Variants in ACSBG2 observed in about 807,000 individuals in gnomAD.
ACSBG2 encodes the protein long-chain-fatty-acid--CoA ligase ACSBG2.
ACSBG2 carries 62 observed loss-of-function variants against 74.7 expected under a neutral mutation model. That is an observed-to-expected ratio of 0.83 (90% CI 0.68 to 1.03). The LOEUF is 1.03. Ranked by LOEUF, ACSBG2 falls within the 50% of genes least tolerant of loss-of-function variation. ACSBG2 has a pLI of 0.00. For synonymous variants in ACSBG2, 309 were observed against 294.1 expected (o/e 1.05, Z -0.52); for missense variants, 730 against 817.6 (o/e 0.89, Z 1.31).
chr19:6,181,508 A>G (rs1318780046), intron 8 of ACSBG2, among the ~76,000 whole-genome samples: 1 of 152,136 alleles, frequency 6.6e-6, no homozygotes, highest in African/African-American at 2.4e-5. Flanking sequence ...TCCCAGTTCT[A>G]TGGCTTGTTG....
chr19:6,166,280 T>TGTGTGTGTGTGTGTGTGTGTGTG (rs2089799967), intron 7 of ACSBG2, among the ~76,000 whole-genome samples: 2 of 119,096 alleles, frequency 1.7e-5, no homozygotes, highest in African/African-American at 7.5e-5. Context: ...GTCAGGAAGG[T>TGTGTGTGTGTGTGTGTGTGTGTG]TGTGTGTGTG....
intron 3 of ACSBG2, among the ~76,000 whole-genome samples, chr19:6,150,179 C>T (rs1442415415): frequency 2.6e-5 from 4 of 151,622 alleles, no homozygotes; most frequent in East Asian, 1.9e-4. Flanking sequence ...AAACACAACA[C>T]GTGTTGGGGA....
chr19:6,161,329 A>T, intron 6 of ACSBG2, 34 bp downstream of exon 6: 22 of 1,518,704 alleles, frequency 1.4e-5, no homozygotes, highest in East Asian at 2.3e-5. Context: ...GGGAAAGGGG[A>T]GGGCGGGGCC....
chr19:6,151,733 T>C lies in ACSBG2; in HGVS notation c.324T>C (p.Val108=). ...TGGGTTTGGAGCGTTTCCACGGAGT[T>C]GGTATCCTGGGGTTTAACTCTGCAG... ...IKLGLERFHG[V]GILGFNSAEW... is the part of the protein sequence containing the mutation. The change falls in exon 4 of 15, where the codon GTT becomes GTC. Residue 108 remains valine, a synonymous_variant. Transcript: ENST00000588485. The C allele has an allele frequency of 6.2e-7, 1 of 1,602,944 alleles. No individual in the cohort carries two copies. The highest frequency in any genetic ancestry group is 8.5e-7 in the Non-Finnish European group (1 of 1,174,512).
intron 6 of ACSBG2, among the ~76,000 whole-genome samples, chr19:6,164,254 A>G (rs1344548968): frequency 6.6e-6 from 1 of 152,070 alleles, no homozygotes; most frequent in African/African-American, 2.4e-5. Context: ...AGGGAGACCT[A>G]GGGGCATCTC....
Position 6,187,781 on chromosome 19 carries a change from T to C in ACSBG2, c.1863T>C (p.Asn621=), listed in dbSNP as rs1213739727. The C allele has an allele frequency of 6.2e-7, 1 of 1,614,130 alleles. No homozygotes were observed. Among genetic ancestry groups the C allele is most frequent in the South Asian group, 1.1e-5 (1 of 91,080 alleles). The change falls in exon 13 of 15, where the codon AAT becomes AAC. Residue 621 remains asparagine, a synonymous_variant. Transcript: ENST00000588485. ...CTGTGAACCAGGAAGCCATGAACAA[T>C]GCACAGAGGATTGAAAAGTGGGTCA... The part of the protein sequence containing the change: ...INAVNQEAMN[N]AQRIEKWVIL...
intron 2 of ACSBG2, 132 bp downstream of exon 2, chr19:6,141,742 CT>C: frequency 1.6e-6 from 1 of 640,008 alleles, no homozygotes; most frequent in South Asian, 1.9e-5. Context: ...ACCCCCCACC[CT>C]TTTGTTTTGA....
chr19:6,188,958 G>A (rs150741063), intron 13 of ACSBG2, among the ~76,000 whole-genome samples: 5 of 152,312 alleles, frequency 3.3e-5, no homozygotes, highest in African/African-American at 1.2e-4. Flanking sequence ...TGCTTAATAT[G>A]TTATCTGTAG....
chr19:6,169,335 C>T (rs1388054879), intron 7 of ACSBG2, among the ~76,000 whole-genome samples: 1 of 152,166 alleles, frequency 6.6e-6, no homozygotes, highest in Admixed American at 6.5e-5. Flanking sequence ...CCCAGCACCA[C>T]TTAGTGAATA....
chr19:6,147,590 C>T lies in ACSBG2; in HGVS notation c.212C>T (p.Ala71Val). Residue 71 changes from alanine (A) to valine (V), a missense_variant, in exon 3 of 15, where the codon GCA (alanine) becomes GTA (valine). Transcript: ENST00000588485. ...VNRFGTYPAL[A>V]SKNGKKWEIL... ...CGATTTGGAACTTATCCAGCCCTCG[C>T]ATCCAAGAATGGCAAAAAGTGGGAA... is the stretch of plus-strand genomic sequence containing the variant. 1 of 1,614,198 alleles carries T rather than the reference C, an allele frequency of 6.2e-7. No homozygotes were observed. The highest frequency in any genetic ancestry group is 8.5e-7 in the Non-Finnish European group (1 of 1,180,036).
At chr19:6,149,143 A>G (rs1309434433) in intron 3 of ACSBG2, among the ~76,000 whole-genome samples, 1 of 152,180 alleles carries the variant, frequency 6.6e-6, no homozygotes, top group Non-Finnish European at 1.5e-5. Context: ...AAGTAGAAAC[A>G]AAACCAAAAA....
chr19:6,171,898 C>T (rs866905722), intron 7 of ACSBG2, among the ~76,000 whole-genome samples: 8 of 152,206 alleles, frequency 5.3e-5, no homozygotes, highest in African/African-American at 1.7e-4. Flanking sequence ...TTCTCAAATA[C>T]TTTGGGTTTT....
intron 8 of ACSBG2, among the ~76,000 whole-genome samples, chr19:6,181,221 CAAA>C (rs1157571006): frequency 1.7e-4 from 5 of 29,170 alleles, no homozygotes; most frequent in African/African-American, 3.1e-4. Flanking sequence ...GAGACTGTGT[CAAA>C]AAAAAAAAAA....
chr19:6,183,386 G>T, intron 10 of ACSBG2, 114 bp downstream of exon 10: 1 of 860,584 alleles, frequency 1.2e-6, no homozygotes. Flanking sequence ...GGTGTCTCCA[G>T]AATGATCCTG....
intron 4 of ACSBG2, among the ~76,000 whole-genome samples, chr19:6,154,499 TATATA>T (rs1381537728): frequency 1.7e-4 from 25 of 147,344 alleles, no homozygotes; most frequent in Non-Finnish European, 3.1e-4. Flanking sequence ...CATATAATAA[TATATA>T]ATATATTATA....
At chr19:6,177,015 G>T (rs1228153789) in intron 7 of ACSBG2, among the ~76,000 whole-genome samples, 1 of 151,928 alleles carries the variant, frequency 6.6e-6, no homozygotes, top group Non-Finnish European at 1.5e-5. Context: ...AAAAAAATTA[G>T]CTGGGTGTGG....
chr19:6,153,175 G>A (rs2089294458), intron 4 of ACSBG2, among the ~76,000 whole-genome samples: 3 of 152,144 alleles, frequency 2.0e-5, no homozygotes, highest in African/African-American at 7.2e-5. Context: ...GAACCCAGGA[G>A]GCCGAGCCTG....
chr19:6,185,933 G>C (rs2090393186), intron 11 of ACSBG2, among the ~76,000 whole-genome samples: 2 of 152,166 alleles, frequency 1.3e-5, no homozygotes, highest in African/African-American at 4.8e-5. Context: ...CACCAGCCCA[G>C]AGGAAAACTC....
intron 8 of ACSBG2, among the ~76,000 whole-genome samples, chr19:6,179,761 C>T (rs2090193558): frequency 6.6e-6 from 1 of 152,030 alleles, no homozygotes; most frequent in Admixed American, 6.6e-5. Context: ...TACAGGCGTG[C>T]ACCACCACGC....
Sources: gnomAD v4.1 joint callset for allele counts (sites outside exome capture counted in the v4.1 genomes callset) on GRCh38, gnomAD v4.1.1 for gene constraint, MANE v1.5 for transcripts, NCBI Gene and HGNC (gene_info 2026-07-23, HGNC 2026-07-21) for gene names.